TRPM2: variants seen among roughly 807,000 people sequenced by gnomAD.
The protein encoded by TRPM2 is estrogen-responsive element-associated gene 1 protein.
A neutral mutation model predicts 174.0 loss-of-function variants in TRPM2; 161 were observed. The ratio of observed to expected loss-of-function variants is 0.93; its 90% confidence interval spans 0.81 to 1.05. The LOEUF is 1.05. TRPM2 is among the 50% of genes least tolerant of loss of function. TRPM2 has a pLI of 0.00. For synonymous variants in TRPM2, 954 were observed against 861.3 expected (o/e 1.11, Z -1.88); for missense variants, 2,057 against 2,038.0 (o/e 1.01, Z -0.18).
chr21:44,375,987 T>C lies in TRPM2; in HGVS notation c.926T>C (p.Ile309Thr). 2 of 1,613,938 alleles carry C rather than the reference T, an allele frequency of 1.2e-6. No individual in the cohort carries two copies. Among genetic ancestry groups the C allele is most frequent in the African/African-American group, 1.3e-5 (1 of 75,016 alleles). Residue 309 changes from isoleucine to threonine, a missense_variant, in exon 6 of 32, where the codon ATA becomes ACA. Physicochemically the swap from Ile to Thr is moderately conservative, Grantham distance 89. Coordinates refer to ENST00000397928, the MANE Select transcript of TRPM2 (RefSeq NM_003307.4). ...IPLRTRLEKF[I>T]SEQTKERGGV... ...CTGAGGACCAGGCTGGAGAAGTTCA[T>C]ATCGGAGCAGACCAAGGAAAGAGGA...
At chr21:44,380,833 G>A (rs1308183223) in intron 8 of TRPM2, among the ~76,000 whole-genome samples, 1 of 152,194 alleles carries the variant, frequency 6.6e-6, no homozygotes, top group Non-Finnish European at 1.5e-5. Flanking sequence ...CTGTTAAGTA[G>A]GGGTACTGAG....
intron 7 of TRPM2, among the ~76,000 whole-genome samples, 172 bp downstream of exon 7, chr21:44,377,945 G>A (rs2048755673): frequency 6.6e-6 from 1 of 152,270 alleles, no homozygotes; most frequent in South Asian, 2.1e-4. Flanking sequence ...TTCTGGGTGG[G>A]TGGAGGACGG....
intron 27 of TRPM2, 68 bp from the exon 28 acceptor site, chr21:44,435,063 C>T: frequency 1.3e-6 from 2 of 1,509,002 alleles, no homozygotes; most frequent in Non-Finnish European, 9.1e-7. Flanking sequence ...CCTCTCAGTC[C>T]CCCTCCCTGC....
chr21:44,403,569 T>C (rs1335643445), intron 16 of TRPM2, among the ~76,000 whole-genome samples: 3 of 150,310 alleles, frequency 2.0e-5, no homozygotes, highest in African/African-American at 7.4e-5. Context: ...TACATGCATA[T>C]GTACACACAT....
chr21:44,395,553 T>G lies in TRPM2; in HGVS notation c.1932+2T>G. The G allele has an allele frequency of 6.2e-7, 1 of 1,612,744 alleles. No homozygotes were observed. The highest frequency in any genetic ancestry group is 8.5e-7 in the Non-Finnish European group (1 of 1,179,884). ...CTGGCAGGAATCATCTGGGCTCAGG[T>G]AATAAGACTGGCTTCTCAGTCTCAG... On this transcript the variant is annotated splice_donor_variant, in intron 12 of 31. Transcript: ENST00000397928. LOFTEE classifies it high-confidence loss of function.
rs2051370990 is a variant in TRPM2, at chr21:44,438,716, G to C, written c.4168-351G>C. ...CGTGGCAGCCTGCTGCACTGGGCGGGAGCTGGGAGGGGCGACGCGGGGGCA... is the reference window on the plus strand; with the variant it reads ...CGTGGCAGCCTGCTGCACTGGGCGGCAGCTGGGAGGGGCGACGCGGGGGCA... On this transcript the variant is annotated intron_variant, in intron 29 of 31. Coordinates refer to ENST00000397928, the MANE Select transcript of TRPM2 (RefSeq NM_003307.4). The surrounding 1 kb of genome is among the most constrained non-coding windows in gnomAD (Gnocchi z 5.9). Among the ~76,000 whole-genome samples, 1 of 152,178 alleles carries C rather than the reference G, an allele frequency of 6.6e-6. No individual in the cohort carries two copies. Among genetic ancestry groups the C allele is most frequent in the Admixed American group, 6.5e-5 (1 of 15,288 alleles).
In TRPM2 at chr21:44,399,355, G is replaced by A. The variant is rs574190384; in HGVS notation, c.2122G>A (p.Val708Met). ...GAGAGCCCAGAAACTGCTCACCCGC[G>A]TGTCCGAGGCCTGGGGGAAGACCAC... The part of the protein sequence containing the change: ...EERAQKLLTR[V>M]SEAWGKTTCL... Residue 708 changes from valine (V) to methionine (M), a missense_variant, in exon 14 of 32, where the codon GTG (valine) becomes ATG (methionine). Transcript: ENST00000397928. This position sits in a 1 kb window ranked among gnomAD's most constrained non-coding sequence, Gnocchi z 4.6. The A allele has an allele frequency of 3.3e-5, 54 of 1,612,728 alleles. No individual in the cohort carries two copies. Among genetic ancestry groups the A allele is most frequent in the Non-Finnish European group, 4.2e-5 (50 of 1,179,918 alleles).
At chr21:44,427,163 G>C (rs755143503) in intron 27 of TRPM2, 52 bp downstream of exon 27, 1 of 1,457,088 alleles carries the variant, frequency 6.9e-7, no homozygotes, top group Non-Finnish European at 9.3e-7. Flanking sequence ...GGTTTGCCTG[G>C]GGGGCAGGTT....
At chr21:44,358,121 A>G (rs1168771596) in intron 2 of TRPM2, among the ~76,000 whole-genome samples, 4 of 152,052 alleles carry the variant, frequency 2.6e-5, no homozygotes, top group African/African-American at 9.7e-5. Context: ...GCCCCTCGAC[A>G]CCCGCCCGGG....
At position 44,437,570 on chromosome 21, in the gene TRPM2, C is replaced by T. The variant is rs114035037; in HGVS notation, c.4167+403C>T. On this transcript the variant is annotated intron_variant, in intron 29 of 31. Coordinates refer to ENST00000397928, the MANE Select transcript of TRPM2 (RefSeq NM_003307.4). ...CAGGTGCTGAGCCATAAATATAGGACGGTGTCATCCAGGGGTAGGGGCAGG... is the reference window on the plus strand; with the variant it reads ...CAGGTGCTGAGCCATAAATATAGGATGGTGTCATCCAGGGGTAGGGGCAGG... 3.3e-3 allele frequency among the ~76,000 whole-genome samples: 500 copies of T among 152,088 alleles called. 7 individuals carry two copies. Among genetic ancestry groups the T allele is most frequent in the African/African-American group, 0.011 (466 of 41,470 alleles).
intron 2 of TRPM2, among the ~76,000 whole-genome samples, chr21:44,355,517 A>C (rs1297769500): frequency 6.6e-6 from 1 of 152,144 alleles, no homozygotes; most frequent in East Asian, 1.9e-4. Context: ...TTCCGTGACT[A>C]TACAACCTCT....
Position 44,418,033 on chromosome 21 carries a change from A to G in TRPM2, c.3253A>G (p.Ile1085Val). ...HGRPAAPPPFILLSHLQLFIK... is the reference protein window; with the variant it reads ...HGRPAAPPPFVLLSHLQLFIK... ...CCGCCCCGCCGCGCCGCCCCCCTTC[A>G]TCCTCCTCAGCCACCTGCAGCTCTT... Residue 1085 changes from isoleucine to valine, a missense_variant, in exon 21 of 32, where the codon ATC (isoleucine) becomes GTC (valine). Ile to Val is a conservative substitution (Grantham distance 29). Transcript: ENST00000397928. The G allele has an allele frequency of 1.9e-6, 3 of 1,613,120 alleles. No individual in the cohort carries two copies. Among genetic ancestry groups the G allele is most frequent in the African/African-American group, 2.7e-5 (2 of 75,016 alleles).
intron 29 of TRPM2, among the ~76,000 whole-genome samples, 171 bp downstream of exon 29, chr21:44,437,338 C>T (rs1023347906): frequency 1.3e-5 from 2 of 152,202 alleles, no homozygotes; most frequent in East Asian, 3.9e-4. Context: ...ACTCCTCCTC[C>T]CTTTTCCTCA....
chr21:44,437,261 C>G, intron 29 of TRPM2, 94 bp downstream of exon 29: 1 of 1,078,808 alleles, frequency 9.3e-7, no homozygotes, highest in Non-Finnish European at 1.3e-6. Flanking sequence ...ACACCAGCCC[C>G]CTGCAGCCCC....
At chr21:44,405,636 T>C (rs1306896605) in intron 17 of TRPM2, among the ~76,000 whole-genome samples, 1 of 152,112 alleles carries the variant, frequency 6.6e-6, no homozygotes, top group Admixed American at 6.6e-5. Flanking sequence ...CGGCCCCCTT[T>C]CTCGGAGGCA....
At position 44,439,126 on chromosome 21, in the gene TRPM2, G is replaced by A; in HGVS notation, c.4227G>A (p.Glu1409=). 2 of 1,613,808 alleles carry A rather than the reference G, an allele frequency of 1.2e-6. No homozygotes were observed. Among genetic ancestry groups the A allele is most frequent in the Non-Finnish European group, 1.7e-6 (2 of 1,179,870 alleles). ...AGCTGAAGCGGATCCTCCGGCAGGA[G>A]CACTGGCCGTCTTTTGAAAACTTGC... ...PRKLKRILRQ[E]HWPSFENLLK... The change falls in exon 30 of 32, where the codon GAG becomes GAA. Residue 1409 remains glutamate, a synonymous_variant. Transcript: ENST00000397928. The surrounding 1 kb of genome is among the most constrained non-coding windows in gnomAD (Gnocchi z 5.1).
At chr21:44,388,187 A>G (rs950777544) in intron 9 of TRPM2, among the ~76,000 whole-genome samples, 1 of 152,218 alleles carries the variant, frequency 6.6e-6, no homozygotes, top group Non-Finnish European at 1.5e-5. Flanking sequence ...GATAAGCAAA[A>G]TGTGGTCTAT....
chr21:44,412,966 T>C lies in TRPM2; in HGVS notation c.2963-925T>C, dbSNP rs149617612. On this transcript the variant is annotated intron_variant, in intron 19 of 31. Transcript: ENST00000397928. ...ACAATTTTAAAATTCAAGATAAGTATAAGGAAAGAATGTTATTCATAATTT... is the reference window on the plus strand; with the variant it reads ...ACAATTTTAAAATTCAAGATAAGTACAAGGAAAGAATGTTATTCATAATTT... Among the ~76,000 whole-genome samples, 332 of 152,270 alleles carry C rather than the reference T, an allele frequency of 2.2e-3. 1 individual carries two copies. The highest frequency in any genetic ancestry group is 3.6e-3 in the Non-Finnish European group (242 of 68,028).
At chr21:44,406,450 C>G (rs1396857097) in intron 18 of TRPM2, 144 bp from the exon 19 acceptor site, 34 of 1,023,172 alleles carry the variant, frequency 3.3e-5, no homozygotes, top group Non-Finnish European at 4.6e-5. Flanking sequence ...TGGGGGCAGC[C>G]CCAGGACTGC....
Sources: gnomAD v4.1 joint callset for allele counts (sites outside exome capture counted in the v4.1 genomes callset) on GRCh38, gnomAD v4.1.1 for gene constraint, Gnocchi (gnomAD v3.1) non-coding constraint, MANE v1.5 for transcripts, NCBI Gene and HGNC (gene_info 2026-07-23, HGNC 2026-07-21) for gene names.